PPARGC1A: variants seen among roughly 807,000 people sequenced by gnomAD.
The protein encoded by PPARGC1A is PPARG coactivator 1 alpha, also known as peroxisome proliferator-activated receptor gamma coactivator 1-alpha.
In PPARGC1A, 25 loss-of-function variants were observed where a neutral mutation model predicts 88.7. The ratio of observed to expected loss-of-function variants is 0.28; its 90% CI spans 0.21 to 0.39. The LOEUF (loss-of-function observed/expected upper bound fraction) is 0.39, where lower values mean the gene tolerates loss of function less well. Among genes scored for constraint, PPARGC1A ranks in the 10% least tolerant of loss-of-function variants. The probability of loss-of-function intolerance (pLI) is 1.00; values close to 1 mark genes in which losing one functional copy is unlikely to be tolerated. For missense variants in PPARGC1A, 880 were observed against 968.7 expected (o/e 0.91, Z 1.22); for synonymous variants, 363 against 355.6 (o/e 1.02, Z -0.24).
chr4:24,332,711 C>T, the PPARGC1A span, among the ~76,000 whole-genome samples: 3 of 152,194 alleles, frequency 2.0e-5, no homozygotes, highest in African/African-American at 4.8e-5. Flanking sequence ...CTGTGCTCCC[C>T]GAAATACATA....
chr4:24,040,210 C>T, the PPARGC1A span, among the ~76,000 whole-genome samples: 1,752 of 152,312 alleles, frequency 0.012, 13 homozygotes, highest in Middle Eastern at 0.024. Flanking sequence ...TTTTCCTATG[C>T]TACCTGTTCC....
the PPARGC1A span, among the ~76,000 whole-genome samples, chr4:23,961,462 C>T: frequency 6.6e-6 from 1 of 152,134 alleles, no homozygotes; most frequent in South Asian, 2.1e-4. Flanking sequence ...AGACATCGCC[C>T]CTGCTTCCCT....
the PPARGC1A span, among the ~76,000 whole-genome samples, chr4:23,917,422 T>C: frequency 2.0e-5 from 3 of 151,330 alleles, no homozygotes; most frequent in Non-Finnish European, 4.4e-5. Flanking sequence ...TGGCCCAGGC[T>C]GTGCCATTCT....
intron 12 of PPARGC1A, among the ~76,000 whole-genome samples, chr4:23,800,069 G>A (rs977171387): frequency 5.9e-5 from 9 of 151,962 alleles, no homozygotes; most frequent in African/African-American, 2.2e-4. Context: ...CATATTCCCT[G>A]TGAACAATGC....
At chr4:24,380,823 C>A in the PPARGC1A span, among the ~76,000 whole-genome samples, 1 of 151,736 alleles carries the variant, frequency 6.6e-6, no homozygotes, top group Non-Finnish European at 1.5e-5. Flanking sequence ...GTGTCGTTAC[C>A]TAAATCAAGT....
chr4:23,981,449 C>T, the PPARGC1A span, among the ~76,000 whole-genome samples: 2 of 152,090 alleles, frequency 1.3e-5, no homozygotes, highest in African/African-American at 2.4e-5. Context: ...CATAGAGATC[C>T]TCCCTATAAG....
At chr4:24,458,930 G>C in the PPARGC1A span, among the ~76,000 whole-genome samples, 1 of 151,878 alleles carries the variant, frequency 6.6e-6, no homozygotes, top group Non-Finnish European at 1.5e-5. Flanking sequence ...GAAAGAAGAC[G>C]GGAAATATAT....
At chr4:24,179,133 T>C in the PPARGC1A span, among the ~76,000 whole-genome samples, 1 of 152,280 alleles carries the variant, frequency 6.6e-6, no homozygotes, top group Middle Eastern at 3.4e-3. Context: ...ACTGGTCTGA[T>C]TTACATGGCA....
chr4:24,013,848 C>T, the PPARGC1A span, among the ~76,000 whole-genome samples: 6 of 152,134 alleles, frequency 3.9e-5, no homozygotes, highest in East Asian at 1.2e-3. Flanking sequence ...TTAATTACCC[C>T]CAAATAAGTT....
chr4:23,851,001 A>G (rs373846380), intron 2 of PPARGC1A, among the ~76,000 whole-genome samples: 1 of 152,198 alleles, frequency 6.6e-6, no homozygotes, highest in East Asian at 1.9e-4. Flanking sequence ...TGAATATTCT[A>G]GAAAAAATGT....
the PPARGC1A span, among the ~76,000 whole-genome samples, chr4:24,095,206 C>G: frequency 0.018 from 2,740 of 151,214 alleles, 44 homozygotes; most frequent in Non-Finnish European, 0.026. Flanking sequence ...CAACCTGTGC[C>G]TCCCGGGTTC....
chr4:23,890,124 T>C, upstream of PPARGC1A: 1 of 1,314,492 alleles, frequency 7.6e-7, no homozygotes, highest in East Asian at 2.8e-5. Context: ...GGCTGGGCTG[T>C]CACTCACCCA....
intron 7 of PPARGC1A, among the ~76,000 whole-genome samples, chr4:23,823,783 A>G (rs1723425320): frequency 2.0e-5 from 3 of 152,126 alleles, no homozygotes; most frequent in Non-Finnish European, 4.4e-5. Context: ...AAGTCATGCA[A>G]TCATGCATTA....
At chr4:23,936,510 G>A in the PPARGC1A span, among the ~76,000 whole-genome samples, 1 of 152,164 alleles carries the variant, frequency 6.6e-6, no homozygotes, top group Non-Finnish European at 1.5e-5. Context: ...GCCAAGGTGG[G>A]CAGATCACCT....
At chr4:23,921,232 A>G in the PPARGC1A span, among the ~76,000 whole-genome samples, 1 of 152,208 alleles carries the variant, frequency 6.6e-6, no homozygotes, top group Non-Finnish European at 1.5e-5. Flanking sequence ...CTGGGAAAAC[A>G]GTAAACAACT....
intron 2 of PPARGC1A, among the ~76,000 whole-genome samples, chr4:23,842,363 C>T (rs1488081809): frequency 6.6e-6 from 1 of 151,990 alleles, no homozygotes; most frequent in African/African-American, 2.4e-5. Context: ...CTATTCTATC[C>T]CTACTCAAAG....
chr4:24,001,443 T>C, the PPARGC1A span, among the ~76,000 whole-genome samples: 1 of 152,118 alleles, frequency 6.6e-6, no homozygotes. Context: ...GATTTTTTTT[T>C]CTCCTGGTAA....
the PPARGC1A span, among the ~76,000 whole-genome samples, chr4:24,369,212 G>A: frequency 6.6e-6 from 1 of 152,196 alleles, no homozygotes; most frequent in African/African-American, 2.4e-5. Context: ...TCTTTGGTCA[G>A]TGTTTTAATT....
At chr4:24,367,120 AT>A in the PPARGC1A span, among the ~76,000 whole-genome samples, 2 of 152,232 alleles carry the variant, frequency 1.3e-5, no homozygotes, top group African/African-American at 4.8e-5. Context: ...CAAGAGAAGC[AT>A]TTGGGTTAAT....
Sources: gnomAD v4.1 joint callset for allele counts (sites outside exome capture counted in the v4.1 genomes callset) on GRCh38, gnomAD v4.1.1 for gene constraint, MANE v1.5 for transcripts, NCBI Gene and HGNC (gene_info 2026-07-23, HGNC 2026-07-21) for gene names.